OR10Z1: variants seen among roughly 807,000 people sequenced by gnomAD.
OR10Z1 encodes olfactory receptor family 10 subfamily Z member 1, also known as olfactory receptor 10Z1.
For synonymous variants in OR10Z1, 187 were observed against 151.2 expected, an observed-to-expected ratio of 1.24 and a Z score of -1.74; for missense variants, 468 against 371.0, an observed-to-expected ratio of 1.26 and a Z score of -2.15.
In OR10Z1 at chr1:158,607,343, G is replaced by A. The variant is rs564377009; in HGVS notation, c.905G>A (p.Arg302Lys). Residue 302 changes from arginine (R) to lysine (K), a missense_variant, in exon 2 of 2, where the codon AGG becomes AAG. Physicochemically the swap from Arg to Lys is conservative, Grantham distance 26. Transcript: ENST00000641002. Reference sequence around the variant, plus strand: ...AATAGGGCTATACAGACAGCTCTGAGGAATGCTTTCAGAGGGAGATTGCTG... The same window carrying A: ...AATAGGGCTATACAGACAGCTCTGAAGAATGCTTTCAGAGGGAGATTGCTG... ...LRNRAIQTAL[R>K]NAFRGRLLGK... is the part of the protein sequence containing the mutation. 1.9e-6 allele frequency: 3 copies of A among 1,613,594 alleles called. No individual in the cohort carries two copies. In the East Asian group the frequency reaches 6.7e-5, roughly 36 times the overall value.
rs201852024 is a variant in OR10Z1, at chr1:158,606,871, G to A, written c.433G>A (p.Val145Ile). The change falls in exon 2 of 2, where the codon GTC becomes ATC. Residue 145 changes from valine to isoleucine, a missense_variant. Coordinates refer to ENST00000641002, the MANE Select transcript of OR10Z1 (RefSeq NM_001004478.2). ...HMNPTLCAQL[V>I]ITSFLTGYLF... is the part of the protein sequence containing the mutation. ...GAATCCTACCCTCTGTGCCCAGCTG[G>A]TCATTACTTCCTTCCTGACTGGATA... The A allele has an allele frequency of 3.1e-6, 5 of 1,614,014 alleles. No homozygotes were observed.
rs1197068796 is a variant in OR10Z1 at position 158,610,844 on chromosome 1, A to G, written c.*3464A>G. 6.4e-6 allele frequency: 1 copy of G among 157,054 alleles called. No individual in the cohort carries two copies. 9.7% of individuals were successfully genotyped at this position (157,054 alleles called of 1,614,324 possible). ...TTCTTTACAGTAAAATTAGCTGCCC[A>G]CTCTTATATGAGTACAGTTCCCAGA... is the stretch of plus-strand genomic sequence containing the variant. On this transcript the variant is annotated 3_prime_UTR_variant, in exon 2 of 2. Transcript: ENST00000641002.
chr1:158,607,727 T>C lies in OR10Z1; in HGVS notation c.*347T>C, dbSNP rs1425226521. ...TGAACAAAATGAGGGAAGTTTGGAG[T>C]GTTCAAGTTCAAGGCAGGGCTGGCT... On this transcript the variant is annotated 3_prime_UTR_variant, in exon 2 of 2. Coordinates refer to ENST00000641002, the MANE Select transcript of OR10Z1 (RefSeq NM_001004478.2). The C allele has an allele frequency of 5.1e-6, 1 of 197,640 alleles. No homozygotes were observed. The highest frequency in any genetic ancestry group is 2.3e-5 in the African/African-American group (1 of 42,674). The allele number at this position is 197,640 out of a possible 1,614,324, so 12.2% of individuals were successfully genotyped here.
intron 1 of OR10Z1, 89 bp from the exon 2 acceptor site, chr1:158,606,235 CAT>C: frequency 1.7e-6 from 1 of 581,950 alleles, no homozygotes; most frequent in Non-Finnish European, 3.1e-6. Flanking sequence ...TACATACAGT[CAT>C]ATGGGAATGG....
In OR10Z1 at chr1:158,611,130, A is replaced by AGCAC; in HGVS notation, c.*3751_*3754dup. The AGCAC allele has an allele frequency of 6.8e-6, 6 of 879,170 alleles. No individual in the cohort carries two copies. The highest frequency in any genetic ancestry group is 1.6e-5 in the South Asian group (1 of 63,104). The allele number at this position is 879,170 out of a possible 1,614,324, so 54.5% of individuals were successfully genotyped here. On this transcript the variant is annotated 3_prime_UTR_variant, in exon 2 of 2. Coordinates refer to ENST00000641002, the MANE Select transcript of OR10Z1 (RefSeq NM_001004478.2). ...TAAATGTAATATGCACACAAACACA[A>AGCAC]GCACACACACACACACACACACACA...
rs780817204 is a variant in OR10Z1, at chr1:158,607,035, C to T, written c.597C>T (p.Ile199=). The T allele has an allele frequency of 6.2e-7, 1 of 1,613,734 alleles. No individual in the cohort carries two copies. The highest frequency in any genetic ancestry group is 1.7e-5 in the Admixed American group (1 of 59,994). Residue 199 remains isoleucine, a synonymous_variant, in exon 2 of 2, where the codon ATC becomes ATT. Coordinates refer to ENST00000641002, the MANE Select transcript of OR10Z1 (RefSeq NM_001004478.2). ...ATACAGGCCCGAGTGAGCTGAGGAT[C>T]TTTATCCTCAGTCTTTTGGTCCTCT... ...CGDTGPSELR[I]FILSLLVLLV...
chr1:158,605,940 G>A (rs562524297), intron 1 of OR10Z1, among the ~76,000 whole-genome samples: 138 of 152,250 alleles, frequency 9.1e-4, no homozygotes, highest in African/African-American at 3.2e-3. Flanking sequence ...CAATATAAAC[G>A]TATATGTGGT....
chr1:158,611,754 G>A lies in OR10Z1; in HGVS notation c.*4374G>A. ...GGGGACTAGCATGTTTTATGAGTAA[G>A]GTAAAATACTCAAGAAGGTAGAATA... On this transcript the variant is annotated 3_prime_UTR_variant, in exon 2 of 2. Transcript: ENST00000641002. 1 of 239,486 alleles carries A rather than the reference G, an allele frequency of 4.2e-6. No homozygotes were observed. The highest frequency in any genetic ancestry group is 8.3e-6 in the Non-Finnish European group (1 of 121,038). The allele number at this position is 239,486 out of a possible 1,614,324, so 14.8% of individuals were successfully genotyped here.
rs1380576575 is a variant in OR10Z1 at position 158,607,349 on chromosome 1, C to T, written c.911C>T (p.Ala304Val). ...NRAIQTALRN[A>V]FRGRLLGKG Reference sequence around the variant, plus strand: ...GCTATACAGACAGCTCTGAGGAATGCTTTCAGAGGGAGATTGCTGGGTAAA... The same window carrying T: ...GCTATACAGACAGCTCTGAGGAATGTTTTCAGAGGGAGATTGCTGGGTAAA... Residue 304 changes from alanine (A) to valine (V), a missense_variant, in exon 2 of 2, where the codon GCT becomes GTT. By Grantham distance (64) the Ala-to-Val change is moderately conservative. Transcript: ENST00000641002. 1 of 1,613,246 alleles carries T rather than the reference C, an allele frequency of 6.2e-7. No individual in the cohort carries two copies.
rs1649127777 is a variant in OR10Z1, at chr1:158,608,808, A to T, written c.*1428A>T. ...AGGGGCTGGAAACAACTCACAAATG[A>T]TGCTGAGAAGTTAGTTTGAGTCATG... On this transcript the variant is annotated 3_prime_UTR_variant, in exon 2 of 2. Transcript: ENST00000641002. The T allele has an allele frequency of 6.6e-6, 1 of 152,214 alleles. No homozygotes were observed. Among genetic ancestry groups the T allele is most frequent in the Non-Finnish European group, 1.5e-5 (1 of 68,038 alleles). 9.4% of individuals were successfully genotyped at this position (152,214 alleles called of 1,614,324 possible).
chr1:158,611,561 A>G lies in OR10Z1; in HGVS notation c.*4181A>G, dbSNP rs761093519. On this transcript the variant is annotated 3_prime_UTR_variant, in exon 2 of 2. Coordinates refer to ENST00000641002, the MANE Select transcript of OR10Z1 (RefSeq NM_001004478.2). ...CATAAATTTATAATTTCTAATGAGT[A>G]ACTTAACTTTTAATCTCAGCCCTTT... 2.9e-4 allele frequency: 184 copies of G among 645,594 alleles called. No individual in the cohort carries two copies. The highest frequency in any genetic ancestry group is 4.2e-4 in the Non-Finnish European group (165 of 392,890). The allele number at this position is 645,594 out of a possible 1,614,324, so 40.0% of individuals were successfully genotyped here.
chr1:158,607,144 A>G lies in OR10Z1; in HGVS notation c.706A>G (p.Lys236Glu), dbSNP rs145428042. ...LRIPSAEGQK[K>E]AFSTCASHLT... ...GATCCCCTCTGCTGAGGGGCAGAAG[A>G]AGGCCTTCTCCACTTGTGCCTCGCA... Residue 236 changes from lysine to glutamate, a missense_variant, in exon 2 of 2, where the codon AAG becomes GAG. Coordinates refer to ENST00000641002, the MANE Select transcript of OR10Z1 (RefSeq NM_001004478.2). 9.4e-5 allele frequency: 152 copies of G among 1,614,016 alleles called. No homozygotes were observed. The African/African-American group carries it at 1.8e-3, about 19-fold the overall frequency.
Position 158,611,120 on chromosome 1 carries a change from C to A in OR10Z1, c.*3740C>A. 9.4e-7 allele frequency: 1 copy of A among 1,059,792 alleles called. No homozygotes were observed. Among genetic ancestry groups the A allele is most frequent in the Non-Finnish European group, 1.4e-6 (1 of 730,652 alleles). The allele number at this position is 1,059,792 out of a possible 1,614,324, so 65.6% of individuals were successfully genotyped here. A position where few individuals can be genotyped will look rare whatever the true frequency, so the allele number is the denominator to read the frequency against. ...GATCCTACAATAAATGTAATATGCA[C>A]ACAAACACAAGCACACACACACACA... On this transcript the variant is annotated 3_prime_UTR_variant, in exon 2 of 2. Transcript: ENST00000641002.
rs1490995194 is a variant in OR10Z1 at position 158,608,067 on chromosome 1, GACTCTGTT to G, written c.*691_*698del. On this transcript the variant is annotated 3_prime_UTR_variant, in exon 2 of 2. Coordinates refer to ENST00000641002, the MANE Select transcript of OR10Z1 (RefSeq NM_001004478.2). ...TTATATAGTTGTCCTCACTATCTCTGACTCTGTTACTTTGCCCTTTTTGTTTTGATTGA... is the reference window on the plus strand; with the variant it reads ...TTATATAGTTGTCCTCACTATCTCTGACTTTGCCCTTTTTGTTTTGATTGA... 6.6e-6 allele frequency: 1 copy of G among 151,982 alleles called. No individual in the cohort carries two copies. 9.4% of individuals were successfully genotyped at this position (151,982 alleles called of 1,614,324 possible).
chr1:158,612,116 C>G lies in OR10Z1; in HGVS notation c.*4736C>G, dbSNP rs1434911531. ...TCTGGTTTCTGCTTAATTGTTTTCC[C>G]TTTCACTTTCTGTTACTATCTTCTT... On this transcript the variant is annotated 3_prime_UTR_variant, in exon 2 of 2. Transcript: ENST00000641002. 1.3e-5 allele frequency: 2 copies of G among 154,286 alleles called. No individual in the cohort carries two copies. Among genetic ancestry groups the G allele is most frequent in the Non-Finnish European group, 2.9e-5 (2 of 69,562 alleles). 9.6% of individuals were successfully genotyped at this position (154,286 alleles called of 1,614,324 possible). A position where few individuals can be genotyped will look rare whatever the true frequency, so the allele number is the denominator to read the frequency against.
rs1557913286 is a variant in OR10Z1, at chr1:158,607,297, C to A, written c.859C>A (p.Pro287Thr). Residue 287 changes from proline (P) to threonine (T), a missense_variant, in exon 2 of 2, where the codon CCC (proline) becomes ACC (threonine). Transcript: ENST00000641002. ...TYTVVTPLLN[P>T]IVYSLRNRAI... ...TACTGTAGTGACCCCCCTCCTTAATCCCATTGTTTATAGTCTAAGGAATAG... is the reference window on the plus strand; with the variant it reads ...TACTGTAGTGACCCCCCTCCTTAATACCATTGTTTATAGTCTAAGGAATAG... The A allele has an allele frequency of 6.2e-7, 1 of 1,613,958 alleles. No individual in the cohort carries two copies. The highest frequency in any genetic ancestry group is 1.3e-5 in the African/African-American group (1 of 75,020).
At chr1:158,605,685 T>A (rs1344979769) in intron 1 of OR10Z1, among the ~76,000 whole-genome samples, 1 of 152,208 alleles carries the variant, frequency 6.6e-6, no homozygotes, top group Non-Finnish European at 1.5e-5. Flanking sequence ...GTGTGTTCCA[T>A]AGTCTCTAAA....
At position 158,607,633 on chromosome 1, in the gene OR10Z1, C is replaced by T; in HGVS notation, c.*253C>T. ...TTAACTTTCAGCCTCCTAGATGCCA[C>T]CCCTAGTTACTGAAACCCATTGAGA... On this transcript the variant is annotated 3_prime_UTR_variant, in exon 2 of 2. Transcript: ENST00000641002. The T allele has an allele frequency of 2.6e-6, 1 of 387,262 alleles. No individual in the cohort carries two copies. The highest frequency in any genetic ancestry group is 9.1e-5 in the South Asian group (1 of 10,988). The allele number at this position is 387,262 out of a possible 1,614,324, so 24.0% of individuals were successfully genotyped here. A position where few individuals can be genotyped will look rare whatever the true frequency, so the allele number is the denominator to read the frequency against.
chr1:158,606,696 TG>T lies in OR10Z1; in HGVS notation c.265del (p.Asp89ThrfsTer48), dbSNP rs752054889. 1.9e-6 allele frequency: 3 copies of T among 1,613,992 alleles called. No homozygotes were observed. Among genetic ancestry groups the T allele is most frequent in the Admixed American group, 1.7e-5 (1 of 59,992 alleles). On this transcript the variant is annotated frameshift_variant, in exon 2 of 2. Transcript: ENST00000641002. LOFTEE classifies it low-confidence loss of function (END_TRUNC). ...TCCCTAGAATGCTCTCTGGCCTGGC[TG>T]GGGGGGACCAGGCTATCTCCTATGT... ...IIPRMLSGLA[G>X]GDQAISYVGC...
Sources: allele counts gnomAD v4.1 joint callset (sites outside exome capture counted in the v4.1 genomes callset), GRCh38; gene constraint gnomAD v4.1.1; transcripts MANE v1.5; gene names NCBI Gene and HGNC (gene_info 2026-07-23, HGNC 2026-07-21).